FOXP2: variants seen among roughly 807,000 people sequenced by gnomAD.
FOXP2 encodes forkhead box protein P2.
In FOXP2, 12 loss-of-function variants were observed where a neutral mutation model predicts 115.8. The observed-to-expected ratio is 0.10, with a 90% CI of 0.07 to 0.17. The LOEUF (loss-of-function observed/expected upper bound fraction) is 0.17, where lower values mean the gene tolerates loss of function less well. Among genes scored for constraint, FOXP2 ranks in the 10% least tolerant of loss-of-function variants. FOXP2 has a pLI of 1.00. For missense variants in FOXP2, 629 were observed against 843.5 expected (o/e 0.75, Z 3.15); for synonymous variants, 328 against 297.7 (o/e 1.10, Z -1.05).
intron 3 of FOXP2, among the ~76,000 whole-genome samples, chr7:114,594,325 T>C (rs553070587): frequency 7.9e-5 from 12 of 152,170 alleles, no homozygotes; most frequent in African/African-American, 2.6e-4. Flanking sequence ...ATAATCTGCA[T>C]TGGGCTACCC....
chr7:114,541,223 G>A (rs140288207), intron 3 of FOXP2, among the ~76,000 whole-genome samples: 2 of 152,150 alleles, frequency 1.3e-5, no homozygotes, highest in African/African-American at 4.8e-5. Context: ...CAAGACTAAA[G>A]AGAAACATTT....
chr7:114,681,665 ATTTAGCTTAGTAT>A (rs1050905136), intron 16 of FOXP2, among the ~76,000 whole-genome samples: 2 of 152,194 alleles, frequency 1.3e-5, no homozygotes, highest in African/African-American at 4.8e-5. Context: ...TAACCTGGCC[ATTTAGCTTAGTAT>A]TTTAGTGACC....
chr7:114,554,357 TTGTGCTTTTAAAGAGTAGAC>T (rs1800355749), intron 3 of FOXP2, among the ~76,000 whole-genome samples: 1 of 152,150 alleles, frequency 6.6e-6, no homozygotes, highest in South Asian at 2.1e-4. Context: ...GTGTTTACCA[TTGTGCTTTTAAAGAGTAGAC>T]TGTACTTCTA....
intron 3 of FOXP2, among the ~76,000 whole-genome samples, chr7:114,606,788 A>G (rs1803356918): frequency 6.6e-6 from 1 of 152,204 alleles, no homozygotes. Context: ...TTTCTGTATT[A>G]TATTAACAAT....
chr7:114,130,898 A>G (rs574699894), intron 1 of FOXP2, among the ~76,000 whole-genome samples: 8 of 152,178 alleles, frequency 5.3e-5, no homozygotes, highest in Non-Finnish European at 1.2e-4. Context: ...TTTCTACTAC[A>G]TTTTATCATA....
At chr7:114,215,552 A>G (rs1272518674) in intron 1 of FOXP2, among the ~76,000 whole-genome samples, 1 of 152,142 alleles carries the variant, frequency 6.6e-6, no homozygotes, top group Non-Finnish European at 1.5e-5. Context: ...TACGGTTTAT[A>G]GTCTGAAATC....
At position 114,590,699 on chromosome 7, in the gene FOXP2, T is replaced by C. The variant is rs148546590; in HGVS notation, c.259-37841T>C. Among the ~76,000 whole-genome samples, 459 of 152,244 alleles carry C rather than the reference T, an allele frequency of 3.0e-3. 3 individuals carry two copies. The highest frequency in any genetic ancestry group is 0.01 in the African/African-American group (430 of 41,566). On this transcript the variant is annotated intron_variant, in intron 3 of 16. Coordinates refer to ENST00000350908, the MANE Select transcript of FOXP2 (RefSeq NM_014491.4). ...ACAATAAAATTCTGTTTGACAATAA[T>C]ATATTGTAAGGGCTAGTATTTGAGT...
intron 2 of FOXP2, among the ~76,000 whole-genome samples, chr7:114,359,605 A>G (rs1791698396): frequency 6.6e-6 from 1 of 152,220 alleles, no homozygotes; most frequent in Non-Finnish European, 1.5e-5. Flanking sequence ...GTCCAAGACC[A>G]TGGGAACCCA....
At chr7:114,349,481 C>T (rs1266649510) in intron 2 of FOXP2, among the ~76,000 whole-genome samples, 1 of 152,070 alleles carries the variant, frequency 6.6e-6, no homozygotes, top group Non-Finnish European at 1.5e-5. Context: ...GCTATCTTCC[C>T]ATTAGATGAA....
intron 1 of FOXP2, among the ~76,000 whole-genome samples, chr7:114,170,075 C>A (rs866972399): frequency 7.9e-5 from 12 of 152,146 alleles, no homozygotes; most frequent in African/African-American, 2.7e-4. Context: ...AATATAGCTG[C>A]TTTTCCAACA....
intron 1 of FOXP2, among the ~76,000 whole-genome samples, chr7:114,257,575 T>C (rs1338375190): frequency 6.7e-6 from 1 of 148,812 alleles, no homozygotes; most frequent in African/African-American, 2.5e-5. Flanking sequence ...TGCCTCAGCC[T>C]CCCGAGTAGC....
chr7:114,364,983 A>G (rs1399912540), intron 2 of FOXP2, among the ~76,000 whole-genome samples: 1 of 152,186 alleles, frequency 6.6e-6, no homozygotes, highest in Non-Finnish European at 1.5e-5. Context: ...AAGGGTGCTT[A>G]ATAATGTTGA....
At chr7:114,255,267 A>G (rs1193224245) in intron 1 of FOXP2, among the ~76,000 whole-genome samples, 1 of 152,186 alleles carries the variant, frequency 6.6e-6, no homozygotes, top group Non-Finnish European at 1.5e-5. Flanking sequence ...CAGTCTGTCC[A>G]TTCTCAGATC....
chr7:114,689,613 G>A (rs1808551320), intron 16 of FOXP2, among the ~76,000 whole-genome samples, 169 bp from the exon 17 acceptor site: 1 of 152,154 alleles, frequency 6.6e-6, no homozygotes, highest in Non-Finnish European at 1.5e-5. Context: ...CAGTTCTACT[G>A]TAAAGTATCA....
chr7:114,158,401 A>T (rs1294356167), upstream of FOXP2, among the ~76,000 whole-genome samples: 1 of 151,928 alleles, frequency 6.6e-6, no homozygotes, highest in East Asian at 1.9e-4. Context: ...AAATCTTAAA[A>T]ATTGGACTCT....
At chr7:114,346,735 C>G (rs1362998100) in intron 2 of FOXP2, among the ~76,000 whole-genome samples, 3 of 151,492 alleles carry the variant, frequency 2.0e-5, no homozygotes, top group African/African-American at 7.3e-5. Flanking sequence ...AGAAAAAAAA[C>G]CTGGTATCAT....
At chr7:114,613,689 T>C (rs865826578) in intron 3 of FOXP2, 1 of 147,592 alleles carries the variant, frequency 6.8e-6, no homozygotes, top group African/African-American at 2.5e-5. Context: ...AAAAAAAAAA[T>C]GTATATATAT....
intron 2 of FOXP2, among the ~76,000 whole-genome samples, chr7:114,372,141 A>C (rs1054231150): frequency 6.6e-6 from 1 of 152,210 alleles, no homozygotes; most frequent in Non-Finnish European, 1.5e-5. Flanking sequence ...TATTATAGCT[A>C]GTAAACAGTA....
chr7:114,288,497 T>C (rs1356412419), intron 2 of FOXP2, among the ~76,000 whole-genome samples: 2 of 151,790 alleles, frequency 1.3e-5, no homozygotes, highest in African/African-American at 2.4e-5. Context: ...AAAAGTTCAT[T>C]TGGTATTGAA....
Sources: allele counts gnomAD v4.1 joint callset (sites outside exome capture counted in the v4.1 genomes callset), GRCh38; gene constraint gnomAD v4.1.1; transcripts MANE v1.5; gene names NCBI Gene and HGNC (gene_info 2026-07-23, HGNC 2026-07-21).